Variants in ARHGEF11 observed in about 807,000 individuals in gnomAD.
The protein encoded by ARHGEF11 is Rho guanine nucleotide exchange factor 11.
A neutral mutation model predicts 193.7 loss-of-function variants in ARHGEF11; 55 were observed. The observed-to-expected ratio is 0.28, with a 90% CI of 0.23 to 0.36. ARHGEF11 has a LOEUF of 0.36. ARHGEF11 is among the 10% of genes least tolerant of loss of function. The pLI is 1.00. For synonymous variants in ARHGEF11, 693 were observed against 768.0 expected (o/e 0.90, Z 1.62); for missense variants, 1,723 against 2,005.6 (o/e 0.86, Z 2.69).
At chr1:156,985,299 C>T (rs943640052) in intron 2 of ARHGEF11, among the ~76,000 whole-genome samples, 5 of 152,110 alleles carry the variant, frequency 3.3e-5, no homozygotes, top group African/African-American at 9.7e-5. Flanking sequence ...TGTTGATGTA[C>T]GGAGGCAATT....
chr1:157,004,066 A>G (rs1453467568), intron 1 of ARHGEF11, among the ~76,000 whole-genome samples: 1 of 152,194 alleles, frequency 6.6e-6, no homozygotes, highest in African/African-American at 2.4e-5. Context: ...ATTCAAATCA[A>G]ATCACTGATG....
chr1:156,940,997 C>T (rs770439347), intron 35 of ARHGEF11, among the ~76,000 whole-genome samples: 1 of 152,158 alleles, frequency 6.6e-6, no homozygotes, highest in Non-Finnish European at 1.5e-5. Context: ...TTTGAGCTCC[C>T]CAGCCCCGCC....
At position 156,948,894 on chromosome 1, in the gene ARHGEF11, C is replaced by G. The variant is rs1658644665; in HGVS notation, c.1926-396G>C. On this transcript the variant is annotated intron_variant, in intron 22 of 40. Transcript: ENST00000368194. This position sits in a 1 kb window ranked among gnomAD's most constrained non-coding sequence, Gnocchi z 4.2. ...ACAGGGAACACAAGGTCCCAGCTCC[C>G]TGCCCCTAGTGGCCAGTTCACGTTG... is the stretch of plus-strand genomic sequence containing the variant. 1.0e-6 allele frequency: 1 copy of G among 985,322 alleles called. No homozygotes were observed. The highest frequency in any genetic ancestry group is 6.1e-5 in the Admixed American group (1 of 16,270). The allele number at this position is 985,322 out of a possible 1,614,324, so 61.0% of individuals were successfully genotyped here.
intron 1 of ARHGEF11, among the ~76,000 whole-genome samples, chr1:157,043,170 T>C (rs1025430861): frequency 2.0e-5 from 3 of 152,224 alleles, no homozygotes; most frequent in African/African-American, 7.2e-5. Flanking sequence ...TTAGCATGGA[T>C]AACCGAAGGT....
At chr1:157,033,262 T>TA (rs1303998105) in intron 1 of ARHGEF11, among the ~76,000 whole-genome samples, 1 of 152,044 alleles carries the variant, frequency 6.6e-6, no homozygotes, top group Non-Finnish European at 1.5e-5. Flanking sequence ...CCTTTTTTTT[T>TA]ATTGAATAGT....
chr1:156,938,079 G>A (rs1466184320), intron 38 of ARHGEF11, among the ~76,000 whole-genome samples: 1 of 152,234 alleles, frequency 6.6e-6, no homozygotes, highest in Non-Finnish European at 1.5e-5. Context: ...CTGGAGCGGC[G>A]GCTGAGGTGG....
Position 156,935,929 on chromosome 1 carries a change from C to T in ARHGEF11, c.*71G>A, listed in dbSNP as rs1461372164. ...GGGAGGAGTGTTGGGATCCCCCCTA[C>T]CCTGTGCCCCGGTCTCAGGCCAGTC... On this transcript the variant is annotated 3_prime_UTR_variant, in exon 41 of 41. Transcript: ENST00000368194. The T allele has an allele frequency of 1.3e-6, 2 of 1,525,068 alleles. No individual in the cohort carries two copies. The highest frequency in any genetic ancestry group is 1.4e-5 in the African/African-American group (1 of 72,936). The allele number at this position is 1,525,068 out of a possible 1,614,324, so 94.5% of individuals were successfully genotyped here.
chr1:156,946,180 C>G lies in ARHGEF11; in HGVS notation c.2695-18G>C, dbSNP rs1658072811. On this transcript the variant is annotated intron_variant, in intron 28 of 40. Transcript: ENST00000368194. ...TCAGCCTCCTAGACAGCAGGAGACA[C>G]AGAAGGGAGGAGATGTCAGCGTGGC... 3 of 1,607,720 alleles carry G rather than the reference C, an allele frequency of 1.9e-6. No homozygotes were observed. Among genetic ancestry groups the G allele is most frequent in the Non-Finnish European group, 2.6e-6 (3 of 1,176,014 alleles).
At position 156,948,494 on chromosome 1, in the gene ARHGEF11, G is replaced by A. The variant is rs764588973; in HGVS notation, c.1930C>T (p.Arg644Cys). The A allele has an allele frequency of 1.8e-5, 29 of 1,614,058 alleles. No homozygotes were observed. The highest frequency in any genetic ancestry group is 1.6e-4 in the Middle Eastern group (1 of 6,084). Residue 644 changes from arginine to cysteine, a missense_variant, in exon 23 of 41, where the codon CGC (arginine) becomes TGC (cysteine). By Grantham distance (180) the Arg-to-Cys change is radical. Transcript: ENST00000368194. The surrounding 1 kb of genome is among the most constrained non-coding windows in gnomAD (Gnocchi z 4.2). ...GAGCGGCCCAGGCGAATCTCTGAGC[G>A]TGAACTGGGGGGAAGGGACAAAAGA... Reference protein sequence around the residue: ...PEDLLESDSSRSEIRLGRSES... With the variant: ...PEDLLESDSSCSEIRLGRSES...
In ARHGEF11 at chr1:156,948,768, G is replaced by A; in HGVS notation, c.1926-270C>T. On this transcript the variant is annotated intron_variant, in intron 22 of 40. Coordinates refer to ENST00000368194, the MANE Select transcript of ARHGEF11 (RefSeq NM_198236.3). This position sits in a 1 kb window ranked among gnomAD's most constrained non-coding sequence, Gnocchi z 4.2. ...AGCTATTAGGAAGGGATCCTAACAG[G>A]AAGATGAAATCTGGGGCTAACAGAC... is the stretch of plus-strand genomic sequence containing the variant. 7.1e-7 allele frequency: 1 copy of A among 1,401,844 alleles called. No homozygotes were observed. The highest frequency in any genetic ancestry group is 3.1e-5 in the East Asian group (1 of 32,636). The allele number at this position is 1,401,844 out of a possible 1,614,324, so 86.8% of individuals were successfully genotyped here.
chr1:156,966,468 T>G (rs1459005450), intron 11 of ARHGEF11, among the ~76,000 whole-genome samples: 1 of 152,232 alleles, frequency 6.6e-6, no homozygotes, highest in Non-Finnish European at 1.5e-5. Flanking sequence ...CAGATGCTGC[T>G]CATGACCTTC....
At chr1:156,994,678 A>G (rs1333237650) in intron 1 of ARHGEF11, among the ~76,000 whole-genome samples, 2 of 152,308 alleles carry the variant, frequency 1.3e-5, no homozygotes, top group East Asian at 1.9e-4. Context: ...TTGGTTCCAC[A>G]TCGAATATTC....
At chr1:156,959,374 GA>G (rs1660450730) in intron 15 of ARHGEF11, among the ~76,000 whole-genome samples, 1 of 152,194 alleles carries the variant, frequency 6.6e-6, no homozygotes, top group Non-Finnish European at 1.5e-5. Flanking sequence ...ATATTTTCTG[GA>G]TGTTCTGTGC....
At position 156,946,128 on chromosome 1, in the gene ARHGEF11, T is replaced by C; in HGVS notation, c.2729A>G (p.Gln910Arg). Residue 910 changes from glutamine (Q) to arginine (R), a missense_variant, in exon 29 of 41, where the codon CAG becomes CGG. Around this residue, in one of 5 missense-constraint regions of ARHGEF11, gnomAD observed 491 missense variants for 654.5 expected, o/e 0.75. Coordinates refer to ENST00000368194, the MANE Select transcript of ARHGEF11 (RefSeq NM_198236.3). Reference protein sequence around the residue: ...AESHPQCRRLQLRDLIISEMQ... With the variant: ...AESHPQCRRLRLRDLIISEMQ... ...CTCAGAGATGATGAGGTCTCTCAGC[T>C]GCAGCCGCCGACACTGAGGGTGGCT... The C allele has an allele frequency of 1.9e-6, 3 of 1,613,358 alleles. No individual in the cohort carries two copies. Among genetic ancestry groups the C allele is most frequent in the South Asian group, 1.1e-5 (1 of 91,056 alleles).
Position 156,971,727 on chromosome 1 carries a change from C to T in ARHGEF11, c.672G>A (p.Leu224=). ...AGCCACCAGTCTCCTGCTGGATCTT[C>T]AGCTGTAACTGAGTGACTCGCCGCC... ...GARRRVTQLQ[L]KIQQETGGSV... The change falls in exon 8 of 41, where the codon CTG becomes CTA. Residue 224 remains leucine (L), a synonymous_variant. Transcript: ENST00000368194. 6.2e-7 allele frequency: 1 copy of T among 1,614,018 alleles called. No homozygotes were observed. The highest frequency in any genetic ancestry group is 8.5e-7 in the Non-Finnish European group (1 of 1,180,000).
intron 29 of ARHGEF11, chr1:156,945,558 A>C (rs1045295548): frequency 3.8e-6 from 1 of 262,260 alleles, no homozygotes; most frequent in Non-Finnish European, 7.3e-6. Flanking sequence ...CTCTGTCCTG[A>C]CTCCAATGTC....
chr1:156,981,288 C>T (rs1490015462), intron 3 of ARHGEF11, among the ~76,000 whole-genome samples: 1 of 152,170 alleles, frequency 6.6e-6, no homozygotes, highest in Non-Finnish European at 1.5e-5. Context: ...AGTGATCCTC[C>T]TGCCTTGGCT....
At chr1:156,956,339 C>A (rs1659946362) in intron 19 of ARHGEF11, 81 bp downstream of exon 19, 1 of 1,491,430 alleles carries the variant, frequency 6.7e-7, no homozygotes, top group Non-Finnish European at 9.2e-7. Context: ...TGGTCTCGAA[C>A]TCCTGAGCTC....
intron 40 of ARHGEF11, among the ~76,000 whole-genome samples, chr1:156,936,497 A>ACATATAT: frequency 2.9e-5 from 1 of 33,938 alleles, no homozygotes; most frequent in South Asian, 1.6e-3. Context: ...AAAAAAAAAA[A>ACATATAT]ATATATATAT....
Sources: gnomAD v4.1 joint callset for allele counts (sites outside exome capture counted in the v4.1 genomes callset) on GRCh38, gnomAD v4.1.1 for gene constraint, gnomAD v4.1.1 regional missense constraint, Gnocchi (gnomAD v3.1) non-coding constraint, MANE v1.5 for transcripts, NCBI Gene and HGNC (gene_info 2026-07-23, HGNC 2026-07-21) for gene names.